Variants in KAZN observed in about 807,000 individuals in gnomAD.
KAZN encodes the protein kazrin, periplakin interacting protein, also known as kazrin.
In KAZN, 40 loss-of-function variants were observed where a neutral mutation model predicts 87.4. The observed-to-expected ratio is 0.46, with a 90% CI of 0.36 to 0.60. The LOEUF (loss-of-function observed/expected upper bound fraction) is 0.60. KAZN is among the 20% of genes least tolerant of loss of function. The pLI, the probability that KAZN is intolerant of heterozygous loss-of-function variation, is 0.00. For missense variants in KAZN, 898 were observed against 1,073.9 expected, an observed-to-expected ratio of 0.84 and a Z score of 2.29; for synonymous variants, 466 against 458.3, an observed-to-expected ratio of 1.02 and a Z score of -0.22.
intron 1 of KAZN, among the ~76,000 whole-genome samples, chr1:14,706,430 G>T (rs1397390474): frequency 6.6e-6 from 1 of 151,544 alleles, no homozygotes; most frequent in Non-Finnish European, 1.5e-5. Flanking sequence ...GATGACTATA[G>T]TTTACAATAA....
At chr1:14,304,383 AC>A (rs1465903322) in intron 2 of KAZN, among the ~76,000 whole-genome samples, 1 of 152,142 alleles carries the variant, frequency 6.6e-6, no homozygotes, top group African/African-American at 2.4e-5. Context: ...AAAAGGACTT[AC>A]CCCAGCTTAG....
At chr1:14,094,233 G>A (rs1384443203) in intron 1 of KAZN, among the ~76,000 whole-genome samples, 4 of 152,006 alleles carry the variant, frequency 2.6e-5, no homozygotes, top group East Asian at 3.9e-4. Context: ...CTTTACTATC[G>A]TTTTTTTGAG....
At chr1:13,953,457 T>C (rs1022209929) in intron 1 of KAZN, among the ~76,000 whole-genome samples, 4 of 152,184 alleles carry the variant, frequency 2.6e-5, no homozygotes, top group Admixed American at 6.5e-5. Flanking sequence ...AATTGAATGG[T>C]TGTTTGTCTG....
intron 1 of KAZN, among the ~76,000 whole-genome samples, chr1:14,031,300 A>C (rs943841970): frequency 2.0e-5 from 3 of 152,250 alleles, no homozygotes; most frequent in Non-Finnish European, 4.4e-5. Flanking sequence ...TTAGTAGTAC[A>C]GGCAGGATTC....
intron 1 of KAZN, among the ~76,000 whole-genome samples, chr1:14,776,752 C>T (rs1389201704): frequency 6.6e-6 from 1 of 151,892 alleles, no homozygotes; most frequent in Non-Finnish European, 1.5e-5. Context: ...CACAGAAAGA[C>T]CTTATCTCCA....
At chr1:14,649,566 G>A (rs954950382) in intron 1 of KAZN, among the ~76,000 whole-genome samples, 2 of 152,176 alleles carry the variant, frequency 1.3e-5, no homozygotes, top group East Asian at 1.9e-4. Flanking sequence ...ACATGCAGCC[G>A]AAAGAAGGTC....
intron 2 of KAZN, among the ~76,000 whole-genome samples, chr1:14,421,078 C>G (rs571174098): frequency 1.3e-5 from 2 of 152,338 alleles, no homozygotes; most frequent in South Asian, 4.1e-4. Flanking sequence ...GCACGCTGCC[C>G]TCTCTCAGGA....
At chr1:15,071,867 T>G (rs1639522124) in intron 8 of KAZN, among the ~76,000 whole-genome samples, 1 of 152,248 alleles carries the variant, frequency 6.6e-6, no homozygotes. Context: ...TTTCTGAGTT[T>G]TAGGTTTTGA....
intron 2 of KAZN, among the ~76,000 whole-genome samples, chr1:14,489,684 A>G (rs1431878444): frequency 1.3e-5 from 2 of 151,300 alleles, no homozygotes; most frequent in Non-Finnish European, 1.5e-5. Flanking sequence ...CAGTGAGCCT[A>G]GATTGCACCA....
Position 14,046,716 on chromosome 1 carries a change from T to C in KAZN, c.92-133719T>C, listed in dbSNP as rs552833741. ...TCCAGGACCAGGCATGCCCTCTTCCTTACCTGCACTCAGTGAGTTTCTCAG... is the reference window on the plus strand; with the variant it reads ...TCCAGGACCAGGCATGCCCTCTTCCCTACCTGCACTCAGTGAGTTTCTCAG... On this transcript the variant is annotated intron_variant, in intron 1 of 16. Transcript: ENST00000636203. 6.6e-5 allele frequency among the ~76,000 whole-genome samples: 10 copies of C among 152,336 alleles called. No homozygotes were observed. In the East Asian group the frequency reaches 1.7e-3, roughly 26 times the overall value.
intron 1 of KAZN, among the ~76,000 whole-genome samples, chr1:14,085,882 G>A (rs1643838597): frequency 6.6e-6 from 1 of 152,080 alleles, no homozygotes; most frequent in Admixed American, 6.6e-5. Flanking sequence ...AGCAATATAT[G>A]AGAATTTCAG....
At chr1:14,827,657 G>A (rs1646934761) in intron 1 of KAZN, among the ~76,000 whole-genome samples, 1 of 152,228 alleles carries the variant, frequency 6.6e-6, no homozygotes, top group African/African-American at 2.4e-5. Context: ...CTCGAAGCAG[G>A]CCCCAGAGGC....
At chr1:14,833,998 C>CACACACACAT (rs1647134224) in intron 1 of KAZN, among the ~76,000 whole-genome samples, 1 of 150,774 alleles carries the variant, frequency 6.6e-6, no homozygotes, top group African/African-American at 2.4e-5. Context: ...CACACACACA[C>CACACACACAT]ACACACACAC....
intron 1 of KAZN, among the ~76,000 whole-genome samples, chr1:14,044,527 A>G (rs1397988824): frequency 6.6e-6 from 1 of 152,194 alleles, no homozygotes; most frequent in African/African-American, 2.4e-5. Context: ...ATTAATATAT[A>G]TAAATAAGTG....
intron 8 of KAZN, among the ~76,000 whole-genome samples, chr1:15,072,527 A>T (rs1639559121): frequency 6.6e-6 from 1 of 152,224 alleles, no homozygotes; most frequent in South Asian, 2.1e-4. Context: ...CGCTGCTCTC[A>T]GAACCCAGGG....
chr1:15,042,765 C>T (rs1228046326), intron 3 of KAZN, among the ~76,000 whole-genome samples: 1 of 152,176 alleles, frequency 6.6e-6, no homozygotes, highest in African/African-American at 2.4e-5. Flanking sequence ...TGTCTCTCAC[C>T]ATCTGGAAGT....
intron 1 of KAZN, among the ~76,000 whole-genome samples, chr1:14,641,094 T>C (rs1272840231): frequency 1.3e-5 from 2 of 152,198 alleles, no homozygotes; most frequent in Non-Finnish European, 2.9e-5. Flanking sequence ...TTGCAGAACA[T>C]TGAAGCAATT....
chr1:14,674,495 A>G (rs2148744652), intron 1 of KAZN, among the ~76,000 whole-genome samples: 1 of 152,256 alleles, frequency 6.6e-6, no homozygotes, highest in East Asian at 1.9e-4. Flanking sequence ...AATACTCTCC[A>G]CCTTCTTCAG....
At chr1:14,647,670 G>A (rs1680906932) in intron 1 of KAZN, among the ~76,000 whole-genome samples, 1 of 152,102 alleles carries the variant, frequency 6.6e-6, no homozygotes, top group South Asian at 2.1e-4. Context: ...TCGGGGCCTG[G>A]TATTGGCAAA....
Sources: gnomAD v4.1 joint callset for allele counts (sites outside exome capture counted in the v4.1 genomes callset) on GRCh38, gnomAD v4.1.1 for gene constraint, MANE v1.5 for transcripts, NCBI Gene and HGNC (gene_info 2026-07-23, HGNC 2026-07-21) for gene names.